Variants in CGAS observed in about 807,000 individuals in gnomAD.
CGAS encodes the protein cyclic GMP-AMP synthase, also known as 2'3'-cGAMP synthase.
A neutral mutation model predicts 34.0 loss-of-function variants in CGAS; 31 were observed. That is an observed-to-expected ratio of 0.91 (90% CI 0.69 to 1.23). The LOEUF (loss-of-function observed/expected upper bound fraction) is 1.23, where lower values mean the gene tolerates loss of function less well. CGAS is among the 50% of genes most tolerant of loss of function. The probability of loss-of-function intolerance (pLI) is 0.00; values close to 1 mark genes in which losing one functional copy is unlikely to be tolerated. For missense variants in CGAS, 597 were observed against 657.6 expected, an observed-to-expected ratio of 0.91 and a Z score of 1.01; for synonymous variants, 266 against 260.0, an observed-to-expected ratio of 1.02 and a Z score of -0.22.
At chr6:73,433,363 G>T (rs1265723228) in intron 3 of CGAS, among the ~76,000 whole-genome samples, 1 of 151,720 alleles carries the variant, frequency 6.6e-6, no homozygotes, top group Non-Finnish European at 1.5e-5. Context: ...CTGAGCTTAA[G>T]TGATTCTCTT....
chr6:73,434,923 C>T (rs1770255380), intron 3 of CGAS, among the ~76,000 whole-genome samples: 2 of 152,078 alleles, frequency 1.3e-5, no homozygotes, highest in Admixed American at 6.6e-5. Flanking sequence ...GCTGGGATTA[C>T]AGGCAAGACC....
rs1335816524 is a variant in CGAS at position 73,428,753 on chromosome 6, T to C, written c.1173A>G (p.Gly391=). The stretch of plus-strand genomic sequence containing the variant: ...TGTTTTCACAGCACGTTTTAGATTT[T>C]CCATGATTGTTCAAAATTTCCTTTT... ...HIEKEILNNH[G]KSKTCCENKE... is the part of the protein sequence containing the mutation. Residue 391 remains glycine (G), a synonymous_variant, in exon 4 of 5, where the codon GGA becomes GGG. Transcript: ENST00000370315. 6.2e-7 allele frequency: 1 copy of C among 1,613,992 alleles called. No homozygotes were observed. The highest frequency in any genetic ancestry group is 8.5e-7 in the Non-Finnish European group (1 of 1,179,996).
chr6:73,443,467 T>C (rs1770417609), intron 2 of CGAS, among the ~76,000 whole-genome samples: 1 of 152,034 alleles, frequency 6.6e-6, no homozygotes, highest in Admixed American at 6.6e-5. Context: ...CTTGAACTCC[T>C]GACCTCGTGA....
intron 3 of CGAS, among the ~76,000 whole-genome samples, chr6:73,435,251 C>G (rs1332938642): frequency 1.3e-5 from 2 of 152,194 alleles, no homozygotes; most frequent in Non-Finnish European, 2.9e-5. Context: ...CAAAACTATG[C>G]TAAAACAAAA....
At chr6:73,448,000 G>A (rs147103335) in intron 1 of CGAS, among the ~76,000 whole-genome samples, 114 of 151,968 alleles carry the variant, frequency 7.5e-4, no homozygotes, top group African/African-American at 2.5e-3. Context: ...ATTCCTTTAC[G>A]TTCTTTTTGT....
intron 2 of CGAS, among the ~76,000 whole-genome samples, chr6:73,441,441 T>A (rs1235249930): frequency 6.6e-6 from 1 of 151,994 alleles, no homozygotes; most frequent in Non-Finnish European, 1.5e-5. Flanking sequence ...ACTAAAGAAG[T>A]CCAAATCAAC....
Position 73,425,415 on chromosome 6 carries a change from C to G in CGAS, c.1381G>C (p.Gly461Arg). 6.2e-7 allele frequency: 1 copy of G among 1,613,974 alleles called. No homozygotes were observed. Among genetic ancestry groups the G allele is most frequent in the East Asian group, 2.2e-5 (1 of 44,878 alleles). The change falls in exon 5 of 5, where the codon GGC (glycine) becomes CGC (arginine). Residue 461 changes from glycine to arginine, a missense_variant. Physicochemically the swap from Gly to Arg is moderately radical, Grantham distance 125 (BLOSUM62 -2). Transcript: ENST00000370315. ...QDSQWDRKDL[G>R]LCFDNCVTYF... ...GTCACGCAGTTATCAAAGCAGAGGCCCAGGTCTTTGCGGTCCCACTGACTG... is the reference window on the plus strand; with the variant it reads ...GTCACGCAGTTATCAAAGCAGAGGCGCAGGTCTTTGCGGTCCCACTGACTG...
rs542295602 is a variant in CGAS, at chr6:73,450,834, A to C, written c.657+691T>G. Among the ~76,000 whole-genome samples the C allele has an allele frequency of 3.0e-4, 45 of 151,558 alleles. 1 individual carries two copies. Among genetic ancestry groups the C allele is most frequent in the African/African-American group, 1.1e-3 (44 of 41,354 alleles). ...AAACACCGTCTCTACTAAAAATACA[A>C]AAAAAATTAGCCGGGCATGGTGGCG... On this transcript the variant is annotated intron_variant, in intron 1 of 4. Coordinates refer to ENST00000370315, the MANE Select transcript of CGAS (RefSeq NM_138441.3).
chr6:73,443,331 C>T (rs547428372), intron 2 of CGAS, among the ~76,000 whole-genome samples: 354 of 144,396 alleles, frequency 2.5e-3, no homozygotes, highest in African/African-American at 7.9e-3. Flanking sequence ...CCTCCGCCTT[C>T]TGGGTTCAAG....
intron 1 of CGAS, among the ~76,000 whole-genome samples, chr6:73,446,083 C>T (rs1675556352): frequency 6.6e-6 from 1 of 152,100 alleles, no homozygotes; most frequent in African/African-American, 2.4e-5. Flanking sequence ...AATCCCAGCA[C>T]TTTGGGAGGC....
intron 4 of CGAS, 55 bp from the exon 5 acceptor site, chr6:73,425,633 A>G: frequency 8.4e-7 from 1 of 1,192,788 alleles, no homozygotes; most frequent in Non-Finnish European, 1.2e-6. Flanking sequence ...TCAACAAAGG[A>G]TTTTAGGCAT....
rs1186282832 is a variant in CGAS at position 73,440,392 on chromosome 6, G to T, written c.931C>A (p.Leu311Ile). 8.1e-6 allele frequency: 13 copies of T among 1,614,010 alleles called. No individual in the cohort carries two copies. Among genetic ancestry groups the T allele is most frequent in the Non-Finnish European group, 1.1e-5 (13 of 1,180,036 alleles). Residue 311 changes from leucine to isoleucine, a missense_variant, in exon 3 of 5, where the codon CTT becomes ATT. Leu to Ile is a conservative substitution (Grantham distance 5). This residue lies in a region of CGAS where 271 missense variants were observed against 324.1 expected (regional missense o/e 0.84). Transcript: ENST00000370315. ...KRGGSPAVTL[L>I]ISEKISVDIT... ...TCCACAGATATTTTTTCACTAATAAGAAGTGTTACAGCAGGGCTCCCTCCT... is the reference window on the plus strand; with the variant it reads ...TCCACAGATATTTTTTCACTAATAATAAGTGTTACAGCAGGGCTCCCTCCT...
Position 73,452,147 on chromosome 6 carries a change from G to C in CGAS, c.35C>G (p.Ala12Gly). 1 of 1,608,700 alleles carries C rather than the reference G, an allele frequency of 6.2e-7. No individual in the cohort carries two copies. The highest frequency in any genetic ancestry group is 1.1e-5 in the South Asian group (1 of 90,392). Residue 12 changes from alanine (A) to glycine (G), a missense_variant, in exon 1 of 5, where the codon GCT (alanine) becomes GGT (glycine). Physicochemically the swap from Ala to Gly is moderately conservative, Grantham distance 60 (BLOSUM62 0). Transcript: ENST00000370315. Reference protein sequence around the residue: ...QPWHGKAMQRASEAGATAPKA... With the variant: ...QPWHGKAMQRGSEAGATAPKA... ...GGGGGCAGTGGCTCCGGCCTCGGAAGCTCTCTGCATGGCCTTTCCGTGCCA... is the reference window on the plus strand; with the variant it reads ...GGGGGCAGTGGCTCCGGCCTCGGAACCTCTCTGCATGGCCTTTCCGTGCCA...
rs149793172 is a variant in CGAS, at chr6:73,427,011, C to T, written c.1218-1433G>A. Among the ~76,000 whole-genome samples the T allele has an allele frequency of 9.9e-3, 1,507 of 151,818 alleles. 31 individuals carry two copies. Among genetic ancestry groups the T allele is most frequent in the African/African-American group, 0.034 (1,427 of 41,412 alleles). ...GATTACAGGTGCATGCCACCTCGCC[C>T]GGCTAATTTTTGCATTTTTGTAGAG... On this transcript the variant is annotated intron_variant, in intron 4 of 4. Transcript: ENST00000370315.
intron 1 of CGAS, 146 bp from the exon 2 acceptor site, chr6:73,445,893 G>C (rs1392883654): frequency 1.0e-5 from 6 of 592,020 alleles, no homozygotes; most frequent in Non-Finnish European, 1.7e-5. Flanking sequence ...AGTGGGACTA[G>C]TGGAGCTGGC....
At chr6:73,449,793 G>C (rs559433627) in intron 1 of CGAS, among the ~76,000 whole-genome samples, 2 of 151,538 alleles carry the variant, frequency 1.3e-5, no homozygotes, top group African/African-American at 4.8e-5. Context: ...GTCAGAGTTC[G>C]AGACCAGCCT....
chr6:73,432,067 C>T (rs372029319), intron 3 of CGAS, among the ~76,000 whole-genome samples: 5 of 152,252 alleles, frequency 3.3e-5, no homozygotes, highest in African/African-American at 1.2e-4. Context: ...TGGGGTCCAG[C>T]AATCCTCCCA....
intron 3 of CGAS, 135 bp from the exon 4 acceptor site, chr6:73,428,946 G>A: frequency 1.4e-6 from 1 of 728,252 alleles, no homozygotes; most frequent in Non-Finnish European, 2.2e-6. Context: ...CAGTACTTTG[G>A]GAGGCCGAGG....
At chr6:73,446,252 C>A (rs1770467159) in intron 1 of CGAS, among the ~76,000 whole-genome samples, 1 of 150,166 alleles carries the variant, frequency 6.7e-6, no homozygotes, top group African/African-American at 2.5e-5. Flanking sequence ...ATTGCTTGAA[C>A]CTAGAAGGCA....
Sources: gnomAD v4.1 joint callset for allele counts (sites outside exome capture counted in the v4.1 genomes callset) on GRCh38, gnomAD v4.1.1 for gene constraint, gnomAD v4.1.1 regional missense constraint, MANE v1.5 for transcripts, NCBI Gene and HGNC (gene_info 2026-07-23, HGNC 2026-07-21) for gene names.